Variants in NHS observed in about 807,000 individuals in gnomAD.
NHS encodes NHS actin remodeling regulator, also known as actin remodeling regulator NHS.
Under a neutral mutation model 72.5 loss-of-function variants are expected in NHS, and 5 were observed. The ratio of observed to expected loss-of-function variants is 0.07; its 90% CI spans 0.04 to 0.14. The LOEUF (loss-of-function observed/expected upper bound fraction) is 0.14, where lower values mean the gene tolerates loss of function less well. Among genes scored for constraint, NHS ranks in the 10% least tolerant of loss-of-function variants. NHS has a pLI of 1.00. For synonymous variants in NHS, 464 were observed against 547.7 expected (o/e 0.85, Z 2.13); for missense variants, 1,072 against 1,355.7 (o/e 0.79, Z 3.29).
chrX:17,561,562 G>GCA (rs1408838879), intron 1 of NHS, among the ~76,000 whole-genome samples: 3 of 64,323 alleles, frequency 4.7e-5, no homozygotes, highest in African/African-American at 9.7e-5. Flanking sequence ...GTGCATGCGC[G>GCA]CGCGCGCGCG....
chrX:17,570,259 G>A (rs934277966), intron 1 of NHS, among the ~76,000 whole-genome samples: 2 of 112,154 alleles, frequency 1.8e-5, no homozygotes, highest in African/African-American at 6.5e-5. Flanking sequence ...ATTACTTTGA[G>A]CAGTAAGGCC....
chrX:17,485,117 A>AT (rs2064962242), intron 1 of NHS, among the ~76,000 whole-genome samples: 1 of 112,004 alleles, frequency 8.9e-6, no homozygotes, highest in Admixed American at 9.5e-5. Context: ...TTAATGGCCA[A>AT]TTTAAGCTTG....
At chrX:17,513,243 A>G (rs929831193) in intron 1 of NHS, among the ~76,000 whole-genome samples, 6 of 112,239 alleles carry the variant, frequency 5.3e-5, no homozygotes, top group Non-Finnish European at 9.4e-5. Flanking sequence ...GTAAAATTAC[A>G]GTATGAGCTC....
At chrX:17,546,776 T>C (rs914339194) in intron 1 of NHS, among the ~76,000 whole-genome samples, 2 of 112,422 alleles carry the variant, frequency 1.8e-5, no homozygotes, top group Non-Finnish European at 3.8e-5. Context: ...CTGCTGCCAC[T>C]GAAAGATTGC....
chrX:17,724,348 A>G lies in NHS; in HGVS notation c.1158A>G (p.Ser386=), dbSNP rs369711349. 6.6e-6 allele frequency: 8 copies of G among 1,210,300 alleles called. No individual in the cohort carries two copies. Among genetic ancestry groups the G allele is most frequent in the Non-Finnish European group, 8.9e-6 (8 of 895,262 alleles). The change falls in exon 6 of 9, where the codon TCA becomes TCG. Residue 386 remains serine (S), a synonymous_variant. Coordinates refer to ENST00000676302, the MANE Select transcript of NHS (RefSeq NM_001291867.2). ...GTATACGCTGCTCTCTGGTTCATTC[A>G]CAATCGGTACTACAGCGGAGACGAA... The part of the protein sequence containing the change: ...EASIRCSLVH[S]QSVLQRRRKL...
chrX:17,687,599 T>G, intron 1 of NHS, 143 bp from the exon 2 acceptor site: 2 of 746,437 alleles, frequency 2.7e-6, no homozygotes, highest in Non-Finnish European at 4.2e-6. Flanking sequence ...TTCTCCGGCC[T>G]TGAGTTAGTT....
At position 17,733,715 on chromosome X, in the gene NHS, G is replaced by A. The variant is rs191561479; in HGVS notation, c.*1251G>A. The A allele has an allele frequency of 5.4e-5, 6 of 112,118 alleles. No homozygotes were observed. The highest frequency in any genetic ancestry group is 1.3e-4 in the African/African-American group (4 of 30,754). 9.2% of individuals were successfully genotyped at this position (112,118 alleles called of 1,213,427 possible). On this transcript the variant is annotated 3_prime_UTR_variant, in exon 9 of 9. Transcript: ENST00000676302. ...AGTTGGAAAATAGGTATGTGTATAT[G>A]CATTATTTATACTCATTGTTAAACT...
At chrX:17,381,327 C>T (rs1055212427) in intron 1 of NHS, among the ~76,000 whole-genome samples, 1 of 111,627 alleles carries the variant, frequency 9.0e-6, no homozygotes, top group African/African-American at 3.3e-5. Flanking sequence ...CACAGAAAAG[C>T]GCACAGACCA....
intron 1 of NHS, among the ~76,000 whole-genome samples, chrX:17,438,854 C>A (rs1290973439): frequency 9.1e-6 from 1 of 110,315 alleles, no homozygotes; most frequent in Non-Finnish European, 1.9e-5. Flanking sequence ...GTTGAGGATC[C>A]TGATAGAAAT....
At chrX:17,552,802 A>G (rs1443988695) in intron 1 of NHS, among the ~76,000 whole-genome samples, 2 of 112,497 alleles carry the variant, frequency 1.8e-5, no homozygotes, top group Admixed American at 9.3e-5. Context: ...AGCGTCATCC[A>G]GGAGCTGTGA....
chrX:17,682,938 C>G (rs138765171), intron 1 of NHS, among the ~76,000 whole-genome samples: 1,371 of 111,524 alleles, frequency 0.012, 17 homozygotes, highest in African/African-American at 0.043. Context: ...TAAAACCAAG[C>G]TTCCTCCTGC....
rs1310318693 is a variant in NHS at position 17,649,854 on chromosome X, C to A, written c.566-37888C>A. Reference sequence around the variant, plus strand: ...TATGAATGAGTGATCCATTTTATAGCAGCTATTTCTTCTGGAAGTCAAGGG... The same window carrying A: ...TATGAATGAGTGATCCATTTTATAGAAGCTATTTCTTCTGGAAGTCAAGGG... On this transcript the variant is annotated intron_variant, in intron 1 of 8. Transcript: ENST00000676302. Among the ~76,000 whole-genome samples, 3 of 111,696 alleles carry A rather than the reference C, an allele frequency of 2.7e-5. No individual in the cohort carries two copies. The East Asian group carries it at 8.4e-4, about 31-fold the overall frequency.
At chrX:17,603,364 T>A (rs2065662257) in intron 1 of NHS, among the ~76,000 whole-genome samples, 1 of 112,440 alleles carries the variant, frequency 8.9e-6, no homozygotes, top group South Asian at 3.7e-4. Flanking sequence ...ATAAACTACT[T>A]TCCTTCTTTC....
At chrX:17,656,702 CG>C (rs1668109744) in intron 1 of NHS, among the ~76,000 whole-genome samples, 1 of 112,439 alleles carries the variant, frequency 8.9e-6, no homozygotes, top group Admixed American at 9.3e-5. Flanking sequence ...ACCCTGATCC[CG>C]GGTTCTGGGG....
intron 1 of NHS, among the ~76,000 whole-genome samples, chrX:17,475,241 C>A (rs2064911294): frequency 8.9e-6 from 1 of 112,521 alleles, no homozygotes; most frequent in Non-Finnish European, 1.9e-5. Context: ...AGAAGGAAGC[C>A]TGGTCCCAGA....
chrX:17,419,001 G>A (rs1322121029), intron 1 of NHS, among the ~76,000 whole-genome samples: 1 of 112,414 alleles, frequency 8.9e-6, no homozygotes, highest in Non-Finnish European at 1.9e-5. Context: ...TGTATTTGTG[G>A]ATAGAACCAA....
intron 3 of NHS, among the ~76,000 whole-genome samples, chrX:17,706,572 G>A (rs1193573074): frequency 2.7e-5 from 3 of 110,995 alleles, no homozygotes; most frequent in Admixed American, 1.9e-4. Context: ...CACTTACACC[G>A]CTAGTGCTTC....
chrX:17,550,443 C>T (rs1466860440), intron 1 of NHS, among the ~76,000 whole-genome samples: 2 of 112,284 alleles, frequency 1.8e-5, no homozygotes, highest in Non-Finnish European at 3.8e-5. Context: ...GCCAAGGGTG[C>T]CTGGATTTTG....
At chrX:17,568,500 G>A (rs1057279270) in intron 1 of NHS, among the ~76,000 whole-genome samples, 3 of 109,205 alleles carry the variant, frequency 2.7e-5, no homozygotes, top group East Asian at 5.7e-4. Context: ...AGTATGTGCT[G>A]GGAACTATTC....
Sources: gnomAD v4.1 joint callset for allele counts (sites outside exome capture counted in the v4.1 genomes callset) on GRCh38, gnomAD v4.1.1 for gene constraint, MANE v1.5 for transcripts, NCBI Gene and HGNC (gene_info 2026-07-23, HGNC 2026-07-21) for gene names.